GRXCR2: variants seen among roughly 807,000 people sequenced by gnomAD.
The protein encoded by GRXCR2 is glutaredoxin domain-containing cysteine-rich protein 2.
Under a neutral mutation model 24.8 loss-of-function variants are expected in GRXCR2, and 23 were observed. That is an observed-to-expected ratio of 0.93 (90% CI 0.67 to 1.32). The LOEUF is 1.32. Among genes scored for constraint, GRXCR2 ranks in the 40% most tolerant of loss-of-function variants. The pLI is 0.00. For missense variants in GRXCR2, 315 were observed against 303.4 expected, an observed-to-expected ratio of 1.04 and a Z score of -0.28; for synonymous variants, 130 against 116.1, an observed-to-expected ratio of 1.12 and a Z score of -0.77.
chr5:145,896,947 T>C (rs1581346435), intron 2 of GRXCR2, among the ~76,000 whole-genome samples: 1 of 151,986 alleles, frequency 6.6e-6, no homozygotes, highest in South Asian at 2.1e-4. Context: ...TGGAATACTA[T>C]GCAGCCATAA....
At position 145,859,878 on chromosome 5, in the gene GRXCR2, C is replaced by G; in HGVS notation, c.602G>C (p.Arg201Pro). The G allele has an allele frequency of 3.7e-6, 6 of 1,602,256 alleles. No individual in the cohort carries two copies. The highest frequency in any genetic ancestry group is 5.1e-6 in the Non-Finnish European group (6 of 1,173,394). ...DIPEDSCFHC[R>P]GSGSATCSLC... ...AGAGCAGGTGGCACTGCCCGACCCT[C>G]GGCAGTGAAAACAGCTGTCCTCGGG... is the stretch of plus-strand genomic sequence containing the variant. Residue 201 changes from arginine to proline, a missense_variant, in exon 3 of 3, where the codon CGA (arginine) becomes CCA (proline). Transcript: ENST00000377976.
chr5:145,926,665 G>T (rs1478800937), intron 2 of GRXCR2, among the ~76,000 whole-genome samples: 1 of 152,158 alleles, frequency 6.6e-6, no homozygotes, highest in Non-Finnish European at 1.5e-5. Context: ...GTAGTGTGAT[G>T]CCTCCAGCTT....
intron 2 of GRXCR2, among the ~76,000 whole-genome samples, chr5:145,886,783 T>C (rs1025562861): frequency 5.3e-5 from 8 of 152,232 alleles, no homozygotes; most frequent in African/African-American, 1.9e-4. Context: ...ATTAATTTTA[T>C]TAATATTTAC....
chr5:145,879,606 G>T (rs372309262), intron 2 of GRXCR2, among the ~76,000 whole-genome samples: 2 of 152,142 alleles, frequency 1.3e-5, no homozygotes, highest in African/African-American at 4.8e-5. Flanking sequence ...AATAATGGGA[G>T]ATTTTAACAC....
At chr5:145,908,793 T>G (rs958112415) in intron 2 of GRXCR2, among the ~76,000 whole-genome samples, 2 of 152,180 alleles carry the variant, frequency 1.3e-5, no homozygotes, top group African/African-American at 4.8e-5. Context: ...AAATGCAGAT[T>G]CCAAGATTAC....
intron 2 of GRXCR2, among the ~76,000 whole-genome samples, chr5:145,903,789 A>G (rs34424334): frequency 0.025 from 3,818 of 152,246 alleles, 61 homozygotes; most frequent in Middle Eastern, 0.048. Flanking sequence ...AGAGGCCACA[A>G]TTGATTGTCT....
chr5:145,881,039 A>C (rs1756691941), intron 2 of GRXCR2, among the ~76,000 whole-genome samples: 1 of 152,208 alleles, frequency 6.6e-6, no homozygotes, highest in Admixed American at 6.5e-5. Flanking sequence ...TCAAAATAAT[A>C]AGAGCTATTT....
chr5:145,909,698 A>G (rs1450422988), intron 2 of GRXCR2, among the ~76,000 whole-genome samples: 1 of 152,220 alleles, frequency 6.6e-6, no homozygotes, highest in Non-Finnish European at 1.5e-5. Flanking sequence ...TAGATGCTCA[A>G]TAATAGAATG....
upstream of GRXCR2, chr5:145,873,141 C>T (rs865969308): frequency 1.7e-6 from 1 of 604,072 alleles, no homozygotes. Flanking sequence ...TTGATAGACC[C>T]TCATGAAAAG....
At chr5:145,930,483 AC>A (rs532869162) in intron 2 of GRXCR2, among the ~76,000 whole-genome samples, 77 of 152,290 alleles carry the variant, frequency 5.1e-4, no homozygotes, top group Non-Finnish European at 1.0e-3. Context: ...ATGTGCCTTT[AC>A]TTTCACCTTC....
chr5:145,876,060 A>C (rs1469092202), upstream of GRXCR2, among the ~76,000 whole-genome samples: 1 of 151,516 alleles, frequency 6.6e-6, no homozygotes, highest in Non-Finnish European at 1.5e-5. Flanking sequence ...CCAGCTACTC[A>C]GGAGGCTGAG....
At chr5:145,860,686 T>G (rs1263210159) in intron 2 of GRXCR2, among the ~76,000 whole-genome samples, 2 of 152,208 alleles carry the variant, frequency 1.3e-5, no homozygotes, top group Non-Finnish European at 2.9e-5. Context: ...TTAAGAGCTC[T>G]GTACTTTGGA....
At chr5:145,930,485 T>A (rs1757463841) in intron 2 of GRXCR2, among the ~76,000 whole-genome samples, 1 of 152,076 alleles carries the variant, frequency 6.6e-6, no homozygotes, top group African/African-American at 2.4e-5. Flanking sequence ...GTGCCTTTAC[T>A]TTCACCTTCA....
chr5:145,891,896 T>A (rs752558896), intron 2 of GRXCR2, among the ~76,000 whole-genome samples: 1 of 152,088 alleles, frequency 6.6e-6, no homozygotes, highest in East Asian at 1.9e-4. Context: ...TAGGGGCAGA[T>A]TGACACCTCA....
intron 2 of GRXCR2, among the ~76,000 whole-genome samples, chr5:145,865,172 C>T (rs898971885): frequency 6.6e-5 from 10 of 152,098 alleles, no homozygotes; most frequent in African/African-American, 2.4e-4. Flanking sequence ...AAGCCCCTGA[C>T]CAATTTTTTC....
rs1756294799 is a variant in GRXCR2, at chr5:145,859,643, T to G, written c.*90A>C. 1 of 1,217,144 alleles carries G rather than the reference T, an allele frequency of 8.2e-7. No individual in the cohort carries two copies. The highest frequency in any genetic ancestry group is 1.5e-5 in the African/African-American group (1 of 67,270). 75.4% of individuals were successfully genotyped at this position (1,217,144 alleles called of 1,614,324 possible). A position where few individuals can be genotyped will look rare whatever the true frequency, so the allele number is the denominator to read the frequency against. On this transcript the variant is annotated 3_prime_UTR_variant, in exon 3 of 3. Coordinates refer to ENST00000377976, the MANE Select transcript of GRXCR2 (RefSeq NM_001080516.2). Reference sequence around the variant, plus strand: ...GACTGCAGCCACTGTGGCCTCCTTGTTGGGAGAGGCAGGAGGAGGAGAAGG... The same window carrying G: ...GACTGCAGCCACTGTGGCCTCCTTGGTGGGAGAGGCAGGAGGAGGAGAAGG...
chr5:145,864,293 G>T (rs974099985), intron 2 of GRXCR2, among the ~76,000 whole-genome samples: 1 of 152,126 alleles, frequency 6.6e-6, no homozygotes, highest in Non-Finnish European at 1.5e-5. Flanking sequence ...CAGTGTGTCT[G>T]GGGCCAAGAG....
At chr5:145,880,308 TAAA>T (rs755249045) in intron 2 of GRXCR2, among the ~76,000 whole-genome samples, 1 of 151,350 alleles carries the variant, frequency 6.6e-6, no homozygotes, top group Non-Finnish European at 1.5e-5. Context: ...GCAAGACTAA[TAAA>T]GAAGAAAAGA....
intron 2 of GRXCR2, among the ~76,000 whole-genome samples, chr5:145,888,968 GT>G (rs1756817661): frequency 6.6e-6 from 1 of 152,034 alleles, no homozygotes; most frequent in Non-Finnish European, 1.5e-5. Context: ...GAGGCCAGGA[GT>G]TTGAGACCAG....
Sources: allele counts gnomAD v4.1 joint callset (sites outside exome capture counted in the v4.1 genomes callset), GRCh38; gene constraint gnomAD v4.1.1; transcripts MANE v1.5; gene names NCBI Gene and HGNC (gene_info 2026-07-23, HGNC 2026-07-21).